Variants in PKHD1 observed in about 807,000 individuals in gnomAD.
The protein encoded by PKHD1 is fibrocystin.
A neutral mutation model predicts 412.0 loss-of-function variants in PKHD1; 291 were observed. That is an observed-to-expected ratio of 0.71 (90% CI 0.64 to 0.78). The LOEUF (loss-of-function observed/expected upper bound fraction) is 0.78. Ranked by LOEUF, PKHD1 falls within the 30% of genes least tolerant of loss-of-function variation. PKHD1 has a pLI of 0.00. For missense variants in PKHD1, 4,825 were observed against 4,950.7 expected, an observed-to-expected ratio of 0.97 and a Z score of 0.76; for synonymous variants, 1,777 against 1,821.5, an observed-to-expected ratio of 0.98 and a Z score of 0.62.
At chr6:51,923,695 G>A (rs564653011) in intron 37 of PKHD1, among the ~76,000 whole-genome samples, 10 of 152,132 alleles carry the variant, frequency 6.6e-5, no homozygotes, top group East Asian at 1.9e-4. Flanking sequence ...GATAAATAAC[G>A]TGTGAAAGAA....
chr6:51,930,968 G>C (rs1472977906), intron 37 of PKHD1, among the ~76,000 whole-genome samples: 5 of 152,158 alleles, frequency 3.3e-5, no homozygotes, highest in African/African-American at 9.7e-5. Flanking sequence ...AAAAGAGATA[G>C]ACAAGAAAAT....
intron 53 of PKHD1, among the ~76,000 whole-genome samples, chr6:51,779,508 G>A (rs984781089): frequency 2.6e-5 from 4 of 151,990 alleles, no homozygotes; most frequent in East Asian, 1.9e-4. Flanking sequence ...CTCAGTGAGC[G>A]CAAGAAGAAA....
intron 28 of PKHD1, among the ~76,000 whole-genome samples, chr6:52,033,407 A>G (rs142982379): frequency 6.6e-6 from 1 of 152,184 alleles, no homozygotes; most frequent in African/African-American, 2.4e-5. Flanking sequence ...GTGCAGTGTT[A>G]GATGCATAAT....
At chr6:52,006,349 G>A (rs1288090126) in intron 35 of PKHD1, among the ~76,000 whole-genome samples, 3 of 144,358 alleles carry the variant, frequency 2.1e-5, no homozygotes, top group African/African-American at 7.6e-5. Flanking sequence ...TTTTTGGTTT[G>A]TTTTTTGTTG....
At chr6:51,669,470 T>A (rs1232009965) in intron 60 of PKHD1, among the ~76,000 whole-genome samples, 9 of 150,796 alleles carry the variant, frequency 6.0e-5, no homozygotes, top group East Asian at 2.0e-4. Context: ...GCGGTCTATC[T>A]ATTTTGTTGA....
intron 66 of PKHD1, among the ~76,000 whole-genome samples, chr6:51,621,155 T>C (rs774683886): frequency 7.2e-5 from 11 of 152,172 alleles, no homozygotes; most frequent in Non-Finnish European, 1.3e-4. Context: ...TTAGTCACCT[T>C]TCCTTATGTA....
chr6:51,793,843 T>C (rs1794141255), intron 52 of PKHD1, among the ~76,000 whole-genome samples: 1 of 152,220 alleles, frequency 6.6e-6, no homozygotes, highest in Admixed American at 6.5e-5. Context: ...TATGCGTGCA[T>C]GTGTCTTTAA....
chr6:51,933,986 G>C (rs1787059918), intron 37 of PKHD1, 124 bp downstream of exon 37: 2 of 734,174 alleles, frequency 2.7e-6, no homozygotes, highest in African/African-American at 1.7e-5. Flanking sequence ...TAAGGAAATA[G>C]TGCCATGCTC....
chr6:51,856,702 C>A (rs1356999386), intron 48 of PKHD1, among the ~76,000 whole-genome samples: 1 of 152,200 alleles, frequency 6.6e-6, no homozygotes, highest in Non-Finnish European at 1.5e-5. Context: ...CTGCTCCTCT[C>A]CTGCAGTCTT....
At chr6:51,633,226 T>G (rs548480727) in intron 64 of PKHD1, among the ~76,000 whole-genome samples, 20 of 152,140 alleles carry the variant, frequency 1.3e-4, no homozygotes, top group Non-Finnish European at 2.4e-4. Flanking sequence ...CAATGGCAGA[T>G]AGAACTGCCG....
At chr6:52,045,937 ATT>A (rs58370838) in intron 24 of PKHD1, 65 bp downstream of exon 24, 27 of 881,632 alleles carry the variant, frequency 3.1e-5, no homozygotes, top group Non-Finnish European at 4.1e-5. Context: ...TATAATTCTG[ATT>A]TTTTTTTTTG....
At chr6:51,796,432 GT>G (rs3062495) in intron 52 of PKHD1, among the ~76,000 whole-genome samples, 12 of 149,168 alleles carry the variant, frequency 8.0e-5, no homozygotes, top group African/African-American at 2.7e-4. Context: ...TATTTAATTA[GT>G]TTTTTTTTCA....
chr6:51,703,541 T>C (rs1779688249), intron 60 of PKHD1, among the ~76,000 whole-genome samples: 1 of 151,966 alleles, frequency 6.6e-6, no homozygotes, highest in Admixed American at 6.6e-5. Flanking sequence ...TTATTCAATA[T>C]AATTCCAAGC....
At chr6:51,840,778 A>G (rs1770046525) in intron 50 of PKHD1, among the ~76,000 whole-genome samples, 1 of 152,234 alleles carries the variant, frequency 6.6e-6, no homozygotes, top group Admixed American at 6.5e-5. Flanking sequence ...GATGGAAAAG[A>G]TCCTTACTTC....
chr6:51,817,901 G>A (rs538514353), intron 52 of PKHD1, among the ~76,000 whole-genome samples: 55 of 152,256 alleles, frequency 3.6e-4, no homozygotes, highest in African/African-American at 1.2e-3. Flanking sequence ...ACCTCCGTGC[G>A]TGGGCTATAC....
At chr6:51,648,219 A>G (rs1330663565) in intron 62 of PKHD1, 101 bp from the exon 63 acceptor site, 4 of 722,246 alleles carry the variant, frequency 5.5e-6, no homozygotes, top group Admixed American at 2.1e-5. Flanking sequence ...TTTATAAAGC[A>G]TATATTCAGT....
At chr6:51,736,524 C>T (rs1200821822) in intron 60 of PKHD1, among the ~76,000 whole-genome samples, 1 of 152,170 alleles carries the variant, frequency 6.6e-6, no homozygotes, top group East Asian at 1.9e-4. Flanking sequence ...TGAGACTCCA[C>T]TGTGCCTTTA....
chr6:51,916,065 A>G (rs1264232972), intron 37 of PKHD1, among the ~76,000 whole-genome samples: 1 of 152,078 alleles, frequency 6.6e-6, no homozygotes, highest in African/African-American at 2.4e-5. Flanking sequence ...TGAAATTACT[A>G]AAGTGCATGT....
intron 52 of PKHD1, among the ~76,000 whole-genome samples, chr6:51,821,386 T>C (rs191832315): frequency 5.9e-5 from 9 of 152,326 alleles, no homozygotes; most frequent in Admixed American, 5.9e-4. Context: ...CAGTCCTGGA[T>C]AAACCAGGGT....
Sources: gnomAD v4.1 joint callset for allele counts (sites outside exome capture counted in the v4.1 genomes callset) on GRCh38, gnomAD v4.1.1 for gene constraint, MANE v1.5 for transcripts, NCBI Gene and HGNC (gene_info 2026-07-23, HGNC 2026-07-21) for gene names.